CELSR1: variants seen among roughly 807,000 people sequenced by gnomAD.
CELSR1 encodes adhesion G protein-coupled receptor C1.
In CELSR1, 110 loss-of-function variants were observed where a neutral mutation model predicts 249.1. The observed-to-expected ratio is 0.44, with a 90% CI of 0.38 to 0.52. The LOEUF (loss-of-function observed/expected upper bound fraction) is 0.52, where lower values mean the gene tolerates loss of function less well. Ranked by LOEUF, CELSR1 falls within the 20% of genes least tolerant of loss-of-function variation. The pLI is 0.00. For missense variants in CELSR1, 4,109 were observed against 4,296.4 expected (o/e 0.96, Z 1.22); for synonymous variants, 2,113 against 1,900.0 (o/e 1.11, Z -2.92).
intron 2 of CELSR1, among the ~76,000 whole-genome samples, chr22:46,442,523 TG>T (rs1429000462): frequency 6.6e-6 from 1 of 152,226 alleles, no homozygotes; most frequent in African/African-American, 2.4e-5. Flanking sequence ...TGAAGGCTCC[TG>T]GACACCGGCT....
Position 46,536,901 on chromosome 22 carries a change from G to T in CELSR1, c.270C>A (p.Val90=). 8.3e-7 allele frequency: 1 copy of T among 1,204,650 alleles called. No homozygotes were observed. Among genetic ancestry groups the T allele is most frequent in the African/African-American group, 1.6e-5 (1 of 61,808 alleles). 74.6% of individuals were successfully genotyped at this position (1,204,650 alleles called of 1,614,324 possible). A position where few individuals can be genotyped will look rare whatever the true frequency, so the allele number is the denominator to read the frequency against. ...SGAGRPLPLQ[V]RLVARSAPTA... ...TCGGGGCACTGCGGGCCACCAAGCG[G>T]ACTTGCAGCGGCAGCGGGCGCCCCG... The change falls in exon 1 of 35, where the codon GTC becomes GTA. Residue 90 remains valine, a synonymous_variant. Coordinates refer to ENST00000674500, the MANE Select transcript of CELSR1 (RefSeq NM_001378328.1).
chr22:46,397,971 G>T, intron 11 of CELSR1, 123 bp from the exon 12 acceptor site: 1 of 866,794 alleles, frequency 1.2e-6, no homozygotes, highest in Non-Finnish European at 1.6e-6. Context: ...TTTATCTACA[G>T]AGCTGGGGCG....
In CELSR1 at chr22:46,454,595, T is replaced by C. The variant is rs2079924814; in HGVS notation, c.4183+9112A>G. Among the ~76,000 whole-genome samples, 1 of 152,242 alleles carries C rather than the reference T, an allele frequency of 6.6e-6. No individual in the cohort carries two copies. Among genetic ancestry groups the C allele is most frequent in the Non-Finnish European group, 1.5e-5 (1 of 68,040 alleles). On this transcript the variant is annotated intron_variant, in intron 2 of 34. Transcript: ENST00000674500. This position sits in a 1 kb window ranked among gnomAD's most constrained non-coding sequence, Gnocchi z 5.1. ...CACTTTTCTAACTGTGGGCCAGACA[T>C]TTCTGGGCAGATGTTTGTTCCTCAC...
intron 5 of CELSR1, among the ~76,000 whole-genome samples, chr22:46,422,734 T>C (rs2079491108): frequency 7.0e-6 from 1 of 143,078 alleles, no homozygotes; most frequent in Admixed American, 7.0e-5. Flanking sequence ...GCCACTGCAC[T>C]CCAGCCTGGG....
Position 46,410,370 on chromosome 22 carries a change from G to C in CELSR1, c.4933+28C>G, listed in dbSNP as rs1046509876. The C allele has an allele frequency of 6.2e-7, 1 of 1,602,254 alleles. No homozygotes were observed. Among genetic ancestry groups the C allele is most frequent in the Admixed American group, 1.7e-5 (1 of 59,806 alleles). On this transcript the variant is annotated intron_variant, in intron 7 of 34. Transcript: ENST00000674500. This position sits in a 1 kb window ranked among gnomAD's most constrained non-coding sequence, Gnocchi z 6.8. ...CGTCCAGCCAGATGCCACTGCGGCA[G>C]CTCCGACGCCCTGACGGCCACCCGT...
chr22:46,439,389 G>A lies in CELSR1; in HGVS notation c.4206C>T (p.Ala1402=), dbSNP rs766508644. 6 of 1,613,188 alleles carry A rather than the reference G, an allele frequency of 3.7e-6. No individual in the cohort carries two copies. Among genetic ancestry groups the A allele is most frequent in the Non-Finnish European group, 8.5e-7 (1 of 1,179,944 alleles). The change falls in exon 3 of 35, where the codon GCC becomes GCT. Residue 1402 remains alanine, a synonymous_variant. Transcript: ENST00000674500. ...DFTGEHCEVD[A]RSGRCANGVC... ...CCCCGTTGGCACAGCGGCCTGAGCG[G>A]GCATCCACCTCACAGTGCTCTCCTG...
At chr22:46,456,661 T>TAAAAAAA (rs556357746) in intron 2 of CELSR1, among the ~76,000 whole-genome samples, 3 of 60,270 alleles carry the variant, frequency 5.0e-5, no homozygotes, top group African/African-American at 1.7e-4. Flanking sequence ...AGACTCTGTC[T>TAAAAAAA]AAAAAAAAAA....
At chr22:46,400,276 C>T (rs2079197049) in intron 9 of CELSR1, among the ~76,000 whole-genome samples, 1 of 151,680 alleles carries the variant, frequency 6.6e-6, no homozygotes, top group Admixed American at 6.6e-5. Flanking sequence ...TTGCAGTGAG[C>T]TGAGATCGCA....
In CELSR1 at chr22:46,409,987, C is replaced by G; in HGVS notation, c.4934-107G>C. ...AGGACGGAATGGACCCGGGGCTGGA[C>G]AGAAGTCAGACCAGGTCTGAACGCC... On this transcript the variant is annotated intron_variant, in intron 7 of 34. Transcript: ENST00000674500. The surrounding 1 kb of genome is among the most constrained non-coding windows in gnomAD (Gnocchi z 9.8). 2 of 1,477,482 alleles carry G rather than the reference C, an allele frequency of 1.4e-6. No homozygotes were observed. Among genetic ancestry groups the G allele is most frequent in the Non-Finnish European group, 1.8e-6 (2 of 1,083,102 alleles). The allele number at this position is 1,477,482 out of a possible 1,614,324, so 91.5% of individuals were successfully genotyped here.
At position 46,382,144 on chromosome 22, in the gene CELSR1, AG is replaced by A; in HGVS notation, c.6884-95del. ...CAGCAGGTGCTTCTCAAAAACCAAC[AG>A]ATGTCCCACAGAAAACAGTACCGTG... On this transcript the variant is annotated intron_variant, in intron 20 of 34. Coordinates refer to ENST00000674500, the MANE Select transcript of CELSR1 (RefSeq NM_001378328.1). The A allele has an allele frequency of 4.2e-6, 5 of 1,179,164 alleles. No homozygotes were observed. The South Asian group carries it at 7.9e-5, about 19-fold the overall frequency. The allele number at this position is 1,179,164 out of a possible 1,614,324, so 73.0% of individuals were successfully genotyped here.
chr22:46,469,474 T>C (rs185383001), intron 1 of CELSR1, among the ~76,000 whole-genome samples: 28 of 152,294 alleles, frequency 1.8e-4, no homozygotes, highest in Non-Finnish European at 3.7e-4. Context: ...TCAGTTCTTG[T>C]ACAAGAGTGG....
chr22:46,530,700 C>A (rs896962786), intron 1 of CELSR1, among the ~76,000 whole-genome samples: 1 of 152,230 alleles, frequency 6.6e-6, no homozygotes, highest in Non-Finnish European at 1.5e-5. Context: ...TGGTGGGCTA[C>A]ATAAAACCAC....
rs1253878055 is a variant in CELSR1 at position 46,454,582 on chromosome 22, T to C, written c.4183+9125A>G. Among the ~76,000 whole-genome samples the C allele has an allele frequency of 2.0e-5, 3 of 152,248 alleles. No individual in the cohort carries two copies. The highest frequency in any genetic ancestry group is 4.4e-5 in the Non-Finnish European group (3 of 68,042). ...CTCGTCTTCAGGCCACTTTTCTAAC[T>C]GTGGGCCAGACATTTCTGGGCAGAT... On this transcript the variant is annotated intron_variant, in intron 2 of 34. Transcript: ENST00000674500. This position sits in a 1 kb window ranked among gnomAD's most constrained non-coding sequence, Gnocchi z 5.1.
At chr22:46,453,262 G>T (rs1052070402) in intron 2 of CELSR1, among the ~76,000 whole-genome samples, 1 of 152,162 alleles carries the variant, frequency 6.6e-6, no homozygotes, top group East Asian at 1.9e-4. Flanking sequence ...TGCCAACTAC[G>T]AACAGCAGCA....
Position 46,363,360 on chromosome 22 carries a change from G to C in CELSR1, c.9036-113C>G. 2.4e-6 allele frequency: 2 copies of C among 847,068 alleles called. No individual in the cohort carries two copies. Among genetic ancestry groups the C allele is most frequent in the Non-Finnish European group, 3.7e-6 (2 of 543,028 alleles). The allele number at this position is 847,068 out of a possible 1,614,324, so 52.5% of individuals were successfully genotyped here. ...GGATCACCCCATCAGGGTAGAGGGG[G>C]CGTCTGGGGGCTCCAGGGAGGGCAA... On this transcript the variant is annotated intron_variant, in intron 34 of 34. Transcript: ENST00000674500. This position sits in a 1 kb window ranked among gnomAD's most constrained non-coding sequence, Gnocchi z 4.3.
At chr22:46,460,586 G>A (rs9616012) in intron 2 of CELSR1, among the ~76,000 whole-genome samples, 60,107 of 152,042 alleles carry the variant, frequency 0.4, 12,894 homozygotes, top group South Asian at 0.55. Flanking sequence ...CAAAAAGACC[G>A]AGGGGCTGAG....
chr22:46,365,747 G>A (rs966160558), intron 30 of CELSR1, 58 bp from the exon 31 acceptor site: 2 of 1,372,362 alleles, frequency 1.5e-6, no homozygotes, highest in African/African-American at 1.5e-5. Flanking sequence ...GGAGGTGCTG[G>A]AAAGTTCTCT....
At chr22:46,431,712 G>A (rs56126954) in intron 5 of CELSR1, among the ~76,000 whole-genome samples, 20,208 of 152,244 alleles carry the variant, frequency 0.13, 1,912 homozygotes, top group African/African-American at 0.27. Context: ...CCAGGTGAAC[G>A]CGCTTCACAC....
chr22:46,511,068 C>T lies in CELSR1; in HGVS notation c.3544+22559G>A, dbSNP rs541615973. On this transcript the variant is annotated intron_variant, in intron 1 of 34. Coordinates refer to ENST00000674500, the MANE Select transcript of CELSR1 (RefSeq NM_001378328.1). Reference sequence around the variant, plus strand: ...GGCGGAGGTTGCAGTGAGCTGAGATCGTGTCATCGCACTCCAGCCTGGATG... The same window carrying T: ...GGCGGAGGTTGCAGTGAGCTGAGATTGTGTCATCGCACTCCAGCCTGGATG... Among the ~76,000 whole-genome samples, 57 of 151,996 alleles carry T rather than the reference C, an allele frequency of 3.8e-4. No individual in the cohort carries two copies. The South Asian group carries it at 0.012, about 32-fold the overall frequency.
Sources: gnomAD v4.1 joint callset for allele counts (sites outside exome capture counted in the v4.1 genomes callset) on GRCh38, gnomAD v4.1.1 for gene constraint, Gnocchi (gnomAD v3.1) non-coding constraint, MANE v1.5 for transcripts, NCBI Gene and HGNC (gene_info 2026-07-23, HGNC 2026-07-21) for gene names.